RLF: variants seen among roughly 807,000 people sequenced by gnomAD.
The protein encoded by RLF is RLF zinc finger, also known as zinc finger protein Rlf.
RLF carries 7 observed loss-of-function variants against 162.9 expected under a neutral mutation model. The ratio of observed to expected loss-of-function variants is 0.04; its 90% confidence interval spans 0.02 to 0.08. The LOEUF is 0.08. RLF is among the 10% of genes least tolerant of loss of function. RLF has a pLI of 1.00. For synonymous variants in RLF, 782 were observed against 791.5 expected (o/e 0.99, Z 0.20); for missense variants, 1,664 against 2,244.7 (o/e 0.74, Z 5.23).
chr1:40,219,383 T>C (rs61778540), intron 5 of RLF, among the ~76,000 whole-genome samples: 7,926 of 152,178 alleles, frequency 0.052, 604 homozygotes, highest in African/African-American at 0.17. Flanking sequence ...AGATCTAGTA[T>C]CTGTTTTCAA....
At chr1:40,182,749 A>G (rs569685221) in intron 1 of RLF, among the ~76,000 whole-genome samples, 385 of 111,046 alleles carry the variant, frequency 3.5e-3, no homozygotes, top group African/African-American at 0.012. Context: ...AGACAGATAG[A>G]TAGGTAGATA....
intron 5 of RLF, among the ~76,000 whole-genome samples, chr1:40,216,660 G>A (rs1221603749): frequency 6.6e-6 from 1 of 152,098 alleles, no homozygotes; most frequent in Non-Finnish European, 1.5e-5. Context: ...CCTTCACAAA[G>A]TATTCCAAAA....
At chr1:40,187,348 G>A (rs1001203098) in intron 1 of RLF, among the ~76,000 whole-genome samples, 2 of 152,130 alleles carry the variant, frequency 1.3e-5, no homozygotes, top group African/African-American at 4.8e-5. Context: ...TAAATTAGGT[G>A]AAATCTTAGT....
At chr1:40,196,230 G>T (rs963464566) in intron 4 of RLF, among the ~76,000 whole-genome samples, 18 of 151,804 alleles carry the variant, frequency 1.2e-4, no homozygotes, top group African/African-American at 4.3e-4. Context: ...GCGCCACCAC[G>T]CCTGGCTAAG....
chr1:40,202,234 C>T (rs182424922), intron 4 of RLF, among the ~76,000 whole-genome samples, 178 bp from the exon 5 acceptor site: 3 of 152,270 alleles, frequency 2.0e-5, no homozygotes, highest in Non-Finnish European at 4.4e-5. Flanking sequence ...TTCACTATTT[C>T]TTAATTTTCC....
chr1:40,218,297 C>G (rs151003684), intron 5 of RLF, among the ~76,000 whole-genome samples: 1,968 of 152,298 alleles, frequency 0.013, 43 homozygotes, highest in African/African-American at 0.045. Flanking sequence ...CTTCTGAGGG[C>G]AAAAGCCTCA....
Position 40,177,798 on chromosome 1 carries a change from TTAGATA to T in RLF, c.238-11247_238-11242del, listed in dbSNP as rs1009591091. The T allele has an allele frequency of 3.4e-4, 52 of 152,230 alleles. 2 individuals carry two copies. The highest frequency in any genetic ancestry group is 1.2e-3 in the African/African-American group (49 of 41,546). 9.4% of individuals were successfully genotyped at this position (152,230 alleles called of 1,614,324 possible). ...GTGTGAGGGATGGATGGAAAGTTCT[TTAGATA>T]TAGATATAGGTATATCTAAACTTTA... On this transcript the variant is annotated intron_variant, in intron 1 of 7. Coordinates refer to ENST00000372771, the MANE Select transcript of RLF (RefSeq NM_012421.4).
At chr1:40,215,695 C>A (rs557558286) in intron 5 of RLF, among the ~76,000 whole-genome samples, 1 of 152,100 alleles carries the variant, frequency 6.6e-6, no homozygotes, top group Admixed American at 6.5e-5. Flanking sequence ...GGTCCTCCCA[C>A]TTCAGCCTCC....
chr1:40,212,085 A>G (rs956340572), intron 5 of RLF, among the ~76,000 whole-genome samples: 1 of 152,276 alleles, frequency 6.6e-6, no homozygotes, highest in Non-Finnish European at 1.5e-5. Flanking sequence ...GCAGAGTTAC[A>G]CACATATTTG....
chr1:40,233,004 C>A (rs7551033), intron 7 of RLF, among the ~76,000 whole-genome samples: 7,827 of 151,438 alleles, frequency 0.052, 588 homozygotes, highest in African/African-American at 0.17. Context: ...GTAAGCTGCC[C>A]CACCTGCTTG....
chr1:40,162,165 G>C lies in RLF; in HGVS notation c.237+529G>C, dbSNP rs185432300. Among the ~76,000 whole-genome samples, 217 of 151,650 alleles carry C rather than the reference G, an allele frequency of 1.4e-3. 1 individual carries two copies. The highest frequency in any genetic ancestry group is 5.0e-3 in the African/African-American group (206 of 41,358). ...TTTCTGATTAGGGATTGCGGAGCCG[G>C]TTGGTTGTTTGGTTTTTGCTTTTTT... On this transcript the variant is annotated intron_variant, in intron 1 of 7. Transcript: ENST00000372771.
chr1:40,176,590 TCA>T (rs1371821139), intron 1 of RLF, among the ~76,000 whole-genome samples: 1 of 152,158 alleles, frequency 6.6e-6, no homozygotes, highest in Non-Finnish European at 1.5e-5. Context: ...CAGGCTTGTG[TCA>T]CCACACCTGG....
Position 40,196,101 on chromosome 1 carries a change from T to C in RLF, c.607+337T>C, listed in dbSNP as rs1046622814. 1.2e-4 allele frequency among the ~76,000 whole-genome samples: 18 copies of C among 152,058 alleles called. No homozygotes were observed. In the East Asian group the frequency reaches 3.3e-3, roughly 28 times the overall value. ...TTCTTTTTTTTTTTTCCCGAGACGT[T>C]GTCTCGCTCTGTCACCCAGGCTGGA... On this transcript the variant is annotated intron_variant, in intron 4 of 7. Transcript: ENST00000372771.
chr1:40,240,387 A>C lies in RLF; in HGVS notation c.5685A>C (p.Thr1895=). Residue 1895 remains threonine, a synonymous_variant, in exon 8 of 8, where the codon ACA becomes ACC. Transcript: ENST00000372771. The stretch of plus-strand genomic sequence containing the variant: ...TTCTTGAAAGATCTAAGTTTTCCAC[A>C]CCAATTTTAGACTTATTTCCAACAA... ...VVVLERSKFS[T]PILDLFPTKK... 6.2e-7 allele frequency: 1 copy of C among 1,614,082 alleles called. No individual in the cohort carries two copies. The highest frequency in any genetic ancestry group is 1.1e-5 in the South Asian group (1 of 91,062).
Position 40,238,992 on chromosome 1 carries a change from A to G in RLF, c.4290A>G (p.Glu1430=). 6.2e-7 allele frequency: 1 copy of G among 1,614,210 alleles called. No individual in the cohort carries two copies. The highest frequency in any genetic ancestry group is 1.7e-5 in the Admixed American group (1 of 60,032). ...ACAAGTTGAAGCACCACTTGATGGA[A>G]CAGCATAATATTGAAGGGGAAATAC... ...TFNKLKHHLM[E]QHNIEGEIHS... Residue 1430 remains glutamate (E), a synonymous_variant, in exon 8 of 8, where the codon GAA becomes GAG. Coordinates refer to ENST00000372771, the MANE Select transcript of RLF (RefSeq NM_012421.4). This position sits in a 1 kb window ranked among gnomAD's most constrained non-coding sequence, Gnocchi z 5.2.
rs61780449 is a variant in RLF, at chr1:40,190,296, T to C, written c.393-476T>C. Among the ~76,000 whole-genome samples the C allele has an allele frequency of 3.6e-3, 552 of 152,318 alleles. 12 individuals are homozygous for C. The highest frequency in any genetic ancestry group is 0.032 in the East Asian group (164 of 5,190). ...AATAGTCAGAAAAAGGAAACTCTTTTGCTTGGTTTTTTTTACAGGTAAAGA... is the reference window on the plus strand; with the variant it reads ...AATAGTCAGAAAAAGGAAACTCTTTCGCTTGGTTTTTTTTACAGGTAAAGA... On this transcript the variant is annotated intron_variant, in intron 2 of 7. Transcript: ENST00000372771.
chr1:40,192,645 A>AT (rs1016576569), intron 3 of RLF, among the ~76,000 whole-genome samples: 43 of 152,270 alleles, frequency 2.8e-4, no homozygotes, highest in Non-Finnish European at 2.1e-4. Flanking sequence ...TGTAGGATAT[A>AT]TTTTTTAACA....
chr1:40,165,287 T>C (rs924855325), intron 1 of RLF, among the ~76,000 whole-genome samples: 3 of 152,236 alleles, frequency 2.0e-5, no homozygotes, highest in Non-Finnish European at 4.4e-5. Flanking sequence ...AGTCAGTCCA[T>C]GGACCAACAT....
In RLF at chr1:40,238,974, G is replaced by A; in HGVS notation, c.4272G>A (p.Leu1424=). ...CTGTTTTTTATACATTCAACAAGTT[G>A]AAGCACCACTTGATGGAACAGCATA... The part of the protein sequence containing the change: ...CPAVFYTFNK[L]KHHLMEQHNI... The change falls in exon 8 of 8, where the codon TTG becomes TTA. Residue 1424 remains leucine (L), a synonymous_variant. Transcript: ENST00000372771. This position sits in a 1 kb window ranked among gnomAD's most constrained non-coding sequence, Gnocchi z 5.2. The A allele has an allele frequency of 6.2e-7, 1 of 1,614,168 alleles. No homozygotes were observed. The highest frequency in any genetic ancestry group is 8.5e-7 in the Non-Finnish European group (1 of 1,180,016).
Sources: gnomAD v4.1 joint callset for allele counts (sites outside exome capture counted in the v4.1 genomes callset) on GRCh38, gnomAD v4.1.1 for gene constraint, Gnocchi (gnomAD v3.1) non-coding constraint, MANE v1.5 for transcripts, NCBI Gene and HGNC (gene_info 2026-07-23, HGNC 2026-07-21) for gene names.